C22orf42: variants seen among roughly 807,000 people sequenced by gnomAD.
The protein encoded by C22orf42 is uncharacterized protein C22orf42.
C22orf42 carries 24 observed loss-of-function variants against 31.4 expected under a neutral mutation model. The observed-to-expected ratio is 0.77, with a 90% CI of 0.55 to 1.08. The LOEUF is 1.08. Among genes scored for constraint, C22orf42 ranks in the 50% least tolerant of loss-of-function variants. The pLI is 0.00. For missense variants in C22orf42, 276 were observed against 327.3 expected, an observed-to-expected ratio of 0.84 and a Z score of 1.21; for synonymous variants, 96 against 112.7, an observed-to-expected ratio of 0.85 and a Z score of 0.94.
At chr22:32,156,013 G>A (rs1403150726) in intron 1 of C22orf42, among the ~76,000 whole-genome samples, 2 of 152,192 alleles carry the variant, frequency 1.3e-5, no homozygotes, top group Admixed American at 6.5e-5. Context: ...TCCAGCCTGG[G>A]TGATAAAGCA....
rs1569332013 is a variant in C22orf42 at position 32,149,647 on chromosome 22, A to AT, written c.683-35_683-34insA. ...AAAGAACAAGACTTCATCTCAAAAA[A>AT]AAAATATATATATATATATATCTAC... On this transcript the variant is annotated intron_variant, in intron 8 of 8. Transcript: ENST00000382097. The AT allele has an allele frequency of 1.5e-5, 20 of 1,340,138 alleles. 1 individual carries two copies. The African/African-American group carries it at 1.5e-4, about 10-fold the overall frequency. 83.0% of individuals were successfully genotyped at this position (1,340,138 alleles called of 1,614,324 possible).
chr22:32,159,457 C>A, upstream of C22orf42: 1 of 1,383,450 alleles, frequency 7.2e-7, no homozygotes, highest in Non-Finnish European at 9.4e-7. Context: ...TGCTGCCCAC[C>A]TTGTGGCCAC....
chr22:32,154,991 G>A (rs137964566), intron 1 of C22orf42, among the ~76,000 whole-genome samples: 129 of 152,312 alleles, frequency 8.5e-4, no homozygotes, highest in Middle Eastern at 3.4e-3. Context: ...TTAGCCCTGA[G>A]GGACAGGCAG....
Position 32,149,314 on chromosome 22 carries a change from T to C in C22orf42, c.*226A>G. 2 of 356,582 alleles carry C rather than the reference T, an allele frequency of 5.6e-6. No individual in the cohort carries two copies. The highest frequency in any genetic ancestry group is 5.3e-5 in the East Asian group (1 of 18,720). 22.1% of individuals were successfully genotyped at this position (356,582 alleles called of 1,614,324 possible). On this transcript the variant is annotated 3_prime_UTR_variant, in exon 9 of 9. Coordinates refer to ENST00000382097, the MANE Select transcript of C22orf42 (RefSeq NM_001010859.3). ...TAATGACCCAGGATGGGGCGGGTGT[T>C]CTTCTGCATGGTGACTGAGAATGTG...
At chr22:32,152,223 C>T in intron 3 of C22orf42, 129 bp from the exon 4 acceptor site, 2 of 1,076,792 alleles carry the variant, frequency 1.9e-6, no homozygotes, top group Non-Finnish European at 2.7e-6. Flanking sequence ...TCACTGGCCC[C>T]CAAATAAAGC....
Position 32,149,750 on chromosome 22 carries a change from T to TA in C22orf42, c.682+2dup. On this transcript the variant is annotated splice_region_variant and intron_variant, in intron 8 of 8. Transcript: ENST00000382097. ...ATATATATCTAGATATATATATACT[T>TA]ACAGAGGTAATCTTCATATCTCTCC... is the stretch of plus-strand genomic sequence containing the variant. 7.0e-7 allele frequency: 1 copy of TA among 1,431,632 alleles called. No individual in the cohort carries two copies. The highest frequency in any genetic ancestry group is 2.4e-5 in the Admixed American group (1 of 41,768). The allele number at this position is 1,431,632 out of a possible 1,614,324, so 88.7% of individuals were successfully genotyped here.
At position 32,151,426 on chromosome 22, in the gene C22orf42, T is replaced by C. The variant is rs1334499544; in HGVS notation, c.465+61A>G. The C allele has an allele frequency of 1.3e-5, 19 of 1,503,064 alleles. No homozygotes were observed. In the East Asian group the frequency reaches 3.2e-4, roughly 25 times the overall value. The allele number at this position is 1,503,064 out of a possible 1,614,324, so 93.1% of individuals were successfully genotyped here. ...AGTCAAAAATGATATTCATTTGATA[T>C]TCTAGAAGCCTCAGAAAAAACAAAA... On this transcript the variant is annotated intron_variant, in intron 5 of 8. Transcript: ENST00000382097.
In C22orf42 at chr22:32,149,450, T is replaced by A; in HGVS notation, c.*90A>T. On this transcript the variant is annotated 3_prime_UTR_variant, in exon 9 of 9. Transcript: ENST00000382097. ...GTAGGAAGAGAGAGAGGCTTGTGAT[T>A]TTTTTTTCACCCAGATGGAAATATG... 6 of 1,359,540 alleles carry A rather than the reference T, an allele frequency of 4.4e-6. No individual in the cohort carries two copies. The highest frequency in any genetic ancestry group is 4.8e-6 in the Non-Finnish European group (5 of 1,035,488). 84.2% of individuals were successfully genotyped at this position (1,359,540 alleles called of 1,614,324 possible).
chr22:32,152,966 C>A (rs897456438), intron 2 of C22orf42, among the ~76,000 whole-genome samples: 1 of 152,188 alleles, frequency 6.6e-6, no homozygotes, highest in Non-Finnish European at 1.5e-5. Flanking sequence ...TGAAATGTTA[C>A]AAGATCATTT....
Position 32,151,515 on chromosome 22 carries a change from C to G in C22orf42, c.437G>C (p.Gly146Ala). Residue 146 changes from glycine (G) to alanine (A), a missense_variant, in exon 5 of 9, where the codon GGT (glycine) becomes GCT (alanine). Coordinates refer to ENST00000382097, the MANE Select transcript of C22orf42 (RefSeq NM_001010859.3). ...TEDVQVSAHG[G>A]VEENITSDIE... The stretch of plus-strand genomic sequence containing the variant: ...ATCTGACGTTATATTCTCCTCCACA[C>G]CGCCGTGTGCAGACACCTGCACATC... 1 of 1,613,808 alleles carries G rather than the reference C, an allele frequency of 6.2e-7. No individual in the cohort carries two copies. The highest frequency in any genetic ancestry group is 8.5e-7 in the Non-Finnish European group (1 of 1,179,672).
intron 1 of C22orf42, among the ~76,000 whole-genome samples, chr22:32,157,948 G>C (rs1391572201): frequency 1.3e-5 from 2 of 152,276 alleles, no homozygotes; most frequent in Non-Finnish European, 2.9e-5. Flanking sequence ...TTCCAGTCCT[G>C]AGAAAAGTGC....
chr22:32,151,997 C>T (rs1249576828), intron 4 of C22orf42, 70 bp downstream of exon 4: 15 of 1,030,842 alleles, frequency 1.5e-5, no homozygotes, highest in East Asian at 2.8e-5. Flanking sequence ...GAATCACTTA[C>T]GTTAAATGAG....
intron 6 of C22orf42, 148 bp from the exon 7 acceptor site, chr22:32,150,627 C>T (rs1331552501): frequency 2.2e-5 from 17 of 757,870 alleles, no homozygotes; most frequent in Non-Finnish European, 3.1e-5. Flanking sequence ...CTCCTTGGTG[C>T]TGAAGGAAGG....
In C22orf42 at chr22:32,159,251, CA is replaced by C. The variant is rs765515191; in HGVS notation, c.-37del. On this transcript the variant is annotated 5_prime_UTR_variant, in exon 1 of 9. Coordinates refer to ENST00000382097, the MANE Select transcript of C22orf42 (RefSeq NM_001010859.3). ...AACACACAAAAAAGTCCAAGAGGCA[CA>C]AGGACAGAATGTAGTCGGAGCTCCT... 1 of 1,605,798 alleles carries C rather than the reference CA, an allele frequency of 6.2e-7. No homozygotes were observed. The highest frequency in any genetic ancestry group is 1.7e-4 in the Middle Eastern group (1 of 6,054).
intron 5 of C22orf42, among the ~76,000 whole-genome samples, 162 bp downstream of exon 5, chr22:32,151,325 A>C (rs544755905): frequency 6.6e-6 from 1 of 152,212 alleles, no homozygotes; most frequent in African/African-American, 2.4e-5. Context: ...GCCATCGTCA[A>C]TCAGGCCTCA....
At chr22:32,150,146 A>T (rs1210716697) in intron 7 of C22orf42, among the ~76,000 whole-genome samples, 173 bp downstream of exon 7, 1 of 152,134 alleles carries the variant, frequency 6.6e-6, no homozygotes, top group Non-Finnish European at 1.5e-5. Context: ...ATCCACTAAG[A>T]CCTGGTGGAC....
At position 32,150,566 on chromosome 22, in the gene C22orf42, A is replaced by G. The variant is rs542762604; in HGVS notation, c.494-87T>C. 69 of 1,405,748 alleles carry G rather than the reference A, an allele frequency of 4.9e-5. No homozygotes were observed. The East Asian group carries it at 1.5e-3, about 31-fold the overall frequency. 87.1% of individuals were successfully genotyped at this position (1,405,748 alleles called of 1,614,324 possible). On this transcript the variant is annotated intron_variant, in intron 6 of 8. Transcript: ENST00000382097. Reference sequence around the variant, plus strand: ...GGGGGATGTGGACCAGGGCTGGATCATGTGCAGGTGGGCGGTTGACAGGCA... The same window carrying G: ...GGGGGATGTGGACCAGGGCTGGATCGTGTGCAGGTGGGCGGTTGACAGGCA...
intron 1 of C22orf42, among the ~76,000 whole-genome samples, chr22:32,156,554 G>A (rs370955082): frequency 3.4e-4 from 45 of 132,880 alleles, no homozygotes; most frequent in Middle Eastern, 7.0e-3. Context: ...ATTCCCCAGC[G>A]TTGTTTTTTT....
At position 32,152,062 on chromosome 22, in the gene C22orf42, C is replaced by G. The variant is rs763091367; in HGVS notation, c.400+5G>C. The G allele has an allele frequency of 6.9e-6, 11 of 1,600,096 alleles. No homozygotes were observed. The Admixed American group carries it at 1.2e-4, about 18-fold the overall frequency. Reference sequence around the variant, plus strand: ...AATAAAGCTGTTTAAAAAAAAAATACGTACGGTGGTCGTGCTTGGCCTCAG... The same window carrying G: ...AATAAAGCTGTTTAAAAAAAAAATAGGTACGGTGGTCGTGCTTGGCCTCAG... On this transcript the variant is annotated splice_donor_5th_base_variant and intron_variant, in intron 4 of 8. Coordinates refer to ENST00000382097, the MANE Select transcript of C22orf42 (RefSeq NM_001010859.3).
Sources: allele counts gnomAD v4.1 joint callset (sites outside exome capture counted in the v4.1 genomes callset), GRCh38; gene constraint gnomAD v4.1.1; transcripts MANE v1.5; gene names NCBI Gene and HGNC (gene_info 2026-07-23, HGNC 2026-07-21).